CNTN4: variants seen among roughly 807,000 people sequenced by gnomAD.
CNTN4 encodes the protein contactin 4.
Under a neutral mutation model 122.5 loss-of-function variants are expected in CNTN4, and 77 were observed. The observed-to-expected ratio is 0.63, with a 90% CI of 0.52 to 0.76. The LOEUF (loss-of-function observed/expected upper bound fraction) is 0.76. Among genes scored for constraint, CNTN4 ranks in the 30% least tolerant of loss-of-function variants. CNTN4 has a pLI of 0.00. For missense variants in CNTN4, 1,256 were observed against 1,259.1 expected, an observed-to-expected ratio of 1.00 and a Z score of 0.04; for synonymous variants, 512 against 447.0, an observed-to-expected ratio of 1.15 and a Z score of -1.83.
intron 6 of CNTN4, among the ~76,000 whole-genome samples, chr3:2,765,954 G>T (rs1402086619): frequency 6.6e-6 from 1 of 152,186 alleles, no homozygotes; most frequent in Admixed American, 6.5e-5. Context: ...TGAACTTAGG[G>T]ATTTGGGCAG....
At chr3:2,273,918 G>A (rs1032918195) in intron 2 of CNTN4, among the ~76,000 whole-genome samples, 6 of 151,730 alleles carry the variant, frequency 4.0e-5, no homozygotes, top group Non-Finnish European at 7.4e-5. Flanking sequence ...CTTTGCCTTC[G>A]CTTAATAGAG....
intron 2 of CNTN4, among the ~76,000 whole-genome samples, chr3:2,272,831 C>T (rs2041355463): frequency 6.6e-6 from 1 of 151,552 alleles, no homozygotes; most frequent in Non-Finnish European, 1.5e-5. Flanking sequence ...TATTTAACCA[C>T]TCTCTTGCCC....
chr3:2,820,429 C>A (rs2092836740), intron 7 of CNTN4, among the ~76,000 whole-genome samples: 1 of 152,174 alleles, frequency 6.6e-6, no homozygotes, highest in Admixed American at 6.5e-5. Flanking sequence ...TAGATGCATT[C>A]ATTAACCCTG....
intron 6 of CNTN4, among the ~76,000 whole-genome samples, chr3:2,769,690 T>C (rs2091005186): frequency 6.6e-6 from 1 of 152,194 alleles, no homozygotes; most frequent in South Asian, 2.1e-4. Context: ...CTTAAAATTC[T>C]ATTGCTCCAT....
At chr3:2,328,796 G>A (rs1425791418) in intron 2 of CNTN4, among the ~76,000 whole-genome samples, 1 of 152,102 alleles carries the variant, frequency 6.6e-6, no homozygotes, top group Non-Finnish European at 1.5e-5. Flanking sequence ...GTGTGCAGGA[G>A]TCACATGTAA....
intron 2 of CNTN4, among the ~76,000 whole-genome samples, chr3:2,200,648 A>G (rs932641382): frequency 6.6e-5 from 10 of 152,212 alleles, no homozygotes; most frequent in Admixed American, 1.3e-4. Flanking sequence ...CTAAATTAAT[A>G]TATTTTAAAG....
intron 3 of CNTN4, among the ~76,000 whole-genome samples, chr3:2,463,946 G>C (rs1044594439): frequency 6.6e-6 from 1 of 152,000 alleles, no homozygotes; most frequent in African/African-American, 2.4e-5. Flanking sequence ...AGTGTGTTAG[G>C]CTTCATTTTC....
At chr3:2,393,220 T>G (rs1198160083) in intron 3 of CNTN4, among the ~76,000 whole-genome samples, 1 of 149,904 alleles carries the variant, frequency 6.7e-6, no homozygotes, top group Non-Finnish European at 1.5e-5. Flanking sequence ...ATTTCCTATT[T>G]TTATGAGAAT....
intron 4 of CNTN4, among the ~76,000 whole-genome samples, chr3:2,612,625 G>C (rs2081547749): frequency 6.6e-6 from 1 of 152,120 alleles, no homozygotes; most frequent in African/African-American, 2.4e-5. Context: ...TAGCTGGGTA[G>C]AATGAGGTAG....
intron 4 of CNTN4, among the ~76,000 whole-genome samples, chr3:2,626,813 GCTAGAGATACAAA>G (rs1163841443): frequency 1.3e-5 from 2 of 152,160 alleles, no homozygotes; most frequent in Non-Finnish European, 2.9e-5. Flanking sequence ...TGTACTAGAT[GCTAGAGATACAAA>G]AATTGTTACG....
intron 6 of CNTN4, among the ~76,000 whole-genome samples, chr3:2,793,898 T>C (rs1323810218): frequency 6.6e-6 from 1 of 152,130 alleles, no homozygotes; most frequent in Admixed American, 6.6e-5. Flanking sequence ...TCTTTGAGAA[T>C]GAATCACTCA....
intron 3 of CNTN4, among the ~76,000 whole-genome samples, chr3:2,349,407 A>G (rs1418228694): frequency 6.6e-6 from 1 of 152,162 alleles, no homozygotes; most frequent in East Asian, 1.9e-4. Context: ...AACCCTTCTA[A>G]TTGCACGTGA....
chr3:2,498,508 G>A (rs889390124), intron 3 of CNTN4, among the ~76,000 whole-genome samples: 7 of 131,842 alleles, frequency 5.3e-5, no homozygotes, highest in Non-Finnish European at 1.2e-4. Flanking sequence ...ACAGGATCTC[G>A]CTTTGTCACC....
intron 2 of CNTN4, among the ~76,000 whole-genome samples, chr3:2,222,739 A>C (rs1451191175): frequency 6.6e-6 from 1 of 152,140 alleles, no homozygotes; most frequent in Non-Finnish European, 1.5e-5. Context: ...TATCATTATA[A>C]ATAAGCTATC....
intron 6 of CNTN4, among the ~76,000 whole-genome samples, chr3:2,812,028 G>A (rs988007629): frequency 1.3e-5 from 2 of 152,130 alleles, no homozygotes; most frequent in African/African-American, 4.8e-5. Context: ...CAAATTGACA[G>A]AAAACGAAAT....
chr3:2,418,108 A>G (rs1029356844), intron 3 of CNTN4, among the ~76,000 whole-genome samples: 2 of 152,210 alleles, frequency 1.3e-5, no homozygotes, highest in African/African-American at 4.8e-5. Context: ...AGTGTAAAAC[A>G]TAAGAGTAAA....
chr3:2,373,972 C>G (rs769355781), intron 3 of CNTN4, among the ~76,000 whole-genome samples: 5 of 152,100 alleles, frequency 3.3e-5, no homozygotes, highest in Non-Finnish European at 5.9e-5. Context: ...GGTTCCTGAT[C>G]TCTGACTTAA....
intron 2 of CNTN4, among the ~76,000 whole-genome samples, chr3:2,233,905 C>G (rs963988534): frequency 4.6e-5 from 7 of 152,224 alleles, no homozygotes; most frequent in African/African-American, 1.7e-4. Context: ...AAATACACAG[C>G]AAAAGGTAGA....
At chr3:2,112,058 A>G (rs1046564636) in intron 2 of CNTN4, among the ~76,000 whole-genome samples, 1 of 152,148 alleles carries the variant, frequency 6.6e-6, no homozygotes, top group African/African-American at 2.4e-5. Flanking sequence ...ATGGTTGACT[A>G]TTACTGCGAG....
Sources: allele counts gnomAD v4.1 joint callset (sites outside exome capture counted in the v4.1 genomes callset), GRCh38; gene constraint gnomAD v4.1.1; transcripts MANE v1.5; gene names NCBI Gene and HGNC (gene_info 2026-07-23, HGNC 2026-07-21).